COMMD1: variants seen among roughly 807,000 people sequenced by gnomAD.
COMMD1 encodes copper metabolism domain containing 1.
A neutral mutation model predicts 17.2 loss-of-function variants in COMMD1; 10 were observed. The observed-to-expected ratio is 0.58, with a 90% confidence interval of 0.36 to 0.99. The LOEUF is 0.99. Ranked by LOEUF, COMMD1 falls within the 50% of genes least tolerant of loss-of-function variation. The probability of loss-of-function intolerance (pLI) is 0.01; values close to 1 mark genes in which losing one functional copy is unlikely to be tolerated. For synonymous variants in COMMD1, 97 were observed against 91.6 expected (o/e 1.06, Z -0.34); for missense variants, 270 against 231.8 (o/e 1.17, Z -1.07).
chr2:61,954,969 C>G (rs899679594), intron 1 of COMMD1, among the ~76,000 whole-genome samples: 1 of 152,128 alleles, frequency 6.6e-6, no homozygotes, highest in East Asian at 1.9e-4. Flanking sequence ...GCCACCATGC[C>G]CAGCCTGATA....
chr2:62,032,732 CCTCT>C (rs1157078928), intron 2 of COMMD1, among the ~76,000 whole-genome samples: 1 of 151,982 alleles, frequency 6.6e-6, no homozygotes, highest in East Asian at 1.9e-4. Context: ...CTCCTTCTCT[CCTCT>C]CTCTCTTTCT....
intron 2 of COMMD1, among the ~76,000 whole-genome samples, chr2:62,006,289 A>T (rs1669117423): frequency 6.6e-6 from 1 of 151,878 alleles, no homozygotes; most frequent in African/African-American, 2.4e-5. Flanking sequence ...TGGCACGTGT[A>T]TATATATGTA....
At chr2:62,058,340 G>T (rs1670767874) in intron 2 of COMMD1, among the ~76,000 whole-genome samples, 2 of 152,226 alleles carry the variant, frequency 1.3e-5, no homozygotes, top group South Asian at 4.1e-4. Context: ...CATAGTTAGA[G>T]ATTTTTAAAA....
chr2:62,059,511 T>A (rs1302149443), intron 2 of COMMD1, among the ~76,000 whole-genome samples: 1 of 151,976 alleles, frequency 6.6e-6, no homozygotes, highest in Non-Finnish European at 1.5e-5. Context: ...TATCTTGGAG[T>A]CTATAACTGA....
chr2:61,962,824 C>G (rs1671390922), intron 1 of COMMD1, among the ~76,000 whole-genome samples: 1 of 152,084 alleles, frequency 6.6e-6, no homozygotes, highest in Admixed American at 6.6e-5. Context: ...CCAGGTGTCT[C>G]TTATTTTCAC....
At chr2:61,994,635 G>C (rs894826881) in intron 1 of COMMD1, among the ~76,000 whole-genome samples, 5 of 152,136 alleles carry the variant, frequency 3.3e-5, no homozygotes, top group Non-Finnish European at 7.3e-5. Context: ...CTGTAGGAAG[G>C]ATGCTGAGAT....
chr2:62,053,278 A>T (rs1419391072), intron 2 of COMMD1, among the ~76,000 whole-genome samples: 2 of 152,138 alleles, frequency 1.3e-5, no homozygotes, highest in Non-Finnish European at 1.5e-5. Flanking sequence ...GAAGACCAAG[A>T]CCAACTAATA....
intron 1 of COMMD1, among the ~76,000 whole-genome samples, chr2:61,921,664 C>T (rs1670200767): frequency 6.6e-6 from 1 of 152,034 alleles, no homozygotes; most frequent in Non-Finnish European, 1.5e-5. Context: ...AGGATGGTCT[C>T]GACCTCCTAA....
chr2:61,982,711 G>A (rs1023135222), intron 1 of COMMD1, among the ~76,000 whole-genome samples: 23 of 151,908 alleles, frequency 1.5e-4, no homozygotes, highest in African/African-American at 4.8e-4. Flanking sequence ...TCTCATCCCC[G>A]GTTTTTTTTG....
rs70962759 is a variant in COMMD1, at chr2:62,116,676, CAAAAAAAAAAA to C, written c.463-19138_463-19128del. Among the ~76,000 whole-genome samples, 14 of 28,540 alleles carry C rather than the reference CAAAAAAAAAAA, an allele frequency of 4.9e-4. No individual in the cohort carries two copies. The South Asian group carries it at 5.5e-3, about 11-fold the overall frequency. The allele number at this position is 28,540 out of a possible 152,430, so 18.7% of individuals were successfully genotyped here. A position where few individuals can be genotyped will look rare whatever the true frequency, so the allele number is the denominator to read the frequency against. ...GACAGAGCGAGACTCTGTCTCATTA[CAAAAAAAAAAA>C]AAAAAAAAAAAAAAAAGGCCGGGCG... On this transcript the variant is annotated intron_variant, in intron 2 of 2. Coordinates refer to ENST00000311832, the MANE Select transcript of COMMD1 (RefSeq NM_152516.4).
At chr2:61,984,034 T>G (rs1672032684) in intron 1 of COMMD1, among the ~76,000 whole-genome samples, 1 of 152,216 alleles carries the variant, frequency 6.6e-6, no homozygotes, top group Admixed American at 6.5e-5. Flanking sequence ...TTGTTGTTGC[T>G]GTTGTTTGAG....
At chr2:61,979,787 G>GT (rs1448221158) in intron 1 of COMMD1, among the ~76,000 whole-genome samples, 1 of 147,652 alleles carries the variant, frequency 6.8e-6, no homozygotes, top group Admixed American at 6.8e-5. Context: ...TAGGGTACAT[G>GT]TGCACATTGT....
intron 1 of COMMD1, among the ~76,000 whole-genome samples, chr2:61,939,186 G>T (rs1670674470): frequency 6.6e-6 from 1 of 151,800 alleles, no homozygotes; most frequent in Non-Finnish European, 1.5e-5. Flanking sequence ...GGGCGCGGTG[G>T]CTCACACCTG....
intron 2 of COMMD1, among the ~76,000 whole-genome samples, chr2:62,121,234 G>A (rs927714656): frequency 6.7e-6 from 1 of 149,356 alleles, no homozygotes; most frequent in African/African-American, 2.5e-5. Context: ...ACTGGGCGTG[G>A]TGGCATTTGC....
chr2:61,938,715 T>G lies in COMMD1; in HGVS notation c.180+32857T>G, dbSNP rs11125903. On this transcript the variant is annotated intron_variant, in intron 1 of 2. Transcript: ENST00000311832. ...TTGCTGTGGACTCCTACGGATTTGCTGCCAGTAACTTGGATCTCTTCCACT... is the reference window on the plus strand; with the variant it reads ...TTGCTGTGGACTCCTACGGATTTGCGGCCAGTAACTTGGATCTCTTCCACT... Among the ~76,000 whole-genome samples, 826 of 152,326 alleles carry G rather than the reference T, an allele frequency of 5.4e-3. 7 individuals are homozygous for G. The highest frequency in any genetic ancestry group is 0.017 in the Middle Eastern group (5 of 294).
chr2:62,113,062 A>G (rs1312176227), intron 2 of COMMD1, among the ~76,000 whole-genome samples: 1 of 152,144 alleles, frequency 6.6e-6, no homozygotes, highest in Non-Finnish European at 1.5e-5. Flanking sequence ...CTACAAAAGC[A>G]TATATGGACT....
intron 2 of COMMD1, among the ~76,000 whole-genome samples, chr2:62,074,528 GACAAA>G (rs911790889): frequency 4.6e-5 from 7 of 152,184 alleles, no homozygotes; most frequent in African/African-American, 1.7e-4. Context: ...AGGAACTTGG[GACAAA>G]CCAGTCAAAT....
At chr2:61,944,099 G>A (rs2103645774) in intron 1 of COMMD1, among the ~76,000 whole-genome samples, 1 of 152,264 alleles carries the variant, frequency 6.6e-6, no homozygotes, top group South Asian at 2.1e-4. Context: ...TCACACAAAT[G>A]TGCACATGAG....
chr2:61,999,886 A>T (rs1422593605), intron 1 of COMMD1, among the ~76,000 whole-genome samples: 1 of 151,824 alleles, frequency 6.6e-6, no homozygotes, highest in African/African-American at 2.4e-5. Flanking sequence ...TATTTTTGTT[A>T]TAAAGAGCTT....
Sources: allele counts gnomAD v4.1 joint callset (sites outside exome capture counted in the v4.1 genomes callset), GRCh38; gene constraint gnomAD v4.1.1; transcripts MANE v1.5; gene names NCBI Gene and HGNC (gene_info 2026-07-23, HGNC 2026-07-21).